Variants in COMMD3 observed in about 807,000 individuals in gnomAD.
COMMD3 encodes COMM domain containing 3.
Under a neutral mutation model 31.2 loss-of-function variants are expected in COMMD3, and 31 were observed. That is an observed-to-expected ratio of 0.99 (90% confidence interval 0.75 to 1.34). COMMD3 has a LOEUF of 1.34. COMMD3 is among the 40% of genes most tolerant of loss of function. COMMD3 has a pLI of 0.00. For synonymous variants in COMMD3, 108 were observed against 87.3 expected, an observed-to-expected ratio of 1.24 and a Z score of -1.32; for missense variants, 274 against 236.9, an observed-to-expected ratio of 1.16 and a Z score of -1.03.
At position 22,316,713 on chromosome 10, in the gene COMMD3, C is replaced by T. The variant is rs1186350474; in HGVS notation, c.139+157C>T. 1.4e-5 allele frequency: 18 copies of T among 1,285,162 alleles called. No individual in the cohort carries two copies. In the African/African-American group the frequency reaches 1.5e-4, roughly 11 times the overall value. The allele number at this position is 1,285,162 out of a possible 1,614,324, so 79.6% of individuals were successfully genotyped here. On this transcript the variant is annotated intron_variant, in intron 1 of 7. Transcript: ENST00000376836. ...CGGAGTGTTGGGGACGTGGCTCTGC[C>T]AGGACTCGGAGCAGACTCTGAGCAT...
chr10:22,317,309 T>C (rs1395989448), intron 1 of COMMD3, among the ~76,000 whole-genome samples: 3 of 152,092 alleles, frequency 2.0e-5, no homozygotes. Flanking sequence ...TAAACACTTG[T>C]ACAAAAAGTA....
rs143910449 is a variant in COMMD3, at chr10:22,319,795, A to G, written c.529-144A>G. On this transcript the variant is annotated intron_variant, in intron 7 of 7. Coordinates refer to ENST00000376836, the MANE Select transcript of COMMD3 (RefSeq NM_012071.4). ...GGAAACGCTTTTTTTGCCCGATAGTAGTTTGTCAAAAGTTAAAATCTTGTT... is the reference window on the plus strand; with the variant it reads ...GGAAACGCTTTTTTTGCCCGATAGTGGTTTGTCAAAAGTTAAAATCTTGTT... 1.3e-3 allele frequency: 1,274 copies of G among 963,354 alleles called. 14 individuals are homozygous for G. The African/African-American group carries it at 0.017, about 13-fold the overall frequency. 59.7% of individuals were successfully genotyped at this position (963,354 alleles called of 1,614,324 possible).
chr10:22,319,093 C>CA, intron 7 of COMMD3, 75 bp downstream of exon 7: 1 of 1,451,176 alleles, frequency 6.9e-7, no homozygotes, highest in South Asian at 1.5e-5. Context: ...TTGGGAAGTT[C>CA]AAAAGAAAAT....
chr10:22,318,425 T>C (rs1164826395), intron 4 of COMMD3, 119 bp downstream of exon 4: 1 of 1,388,454 alleles, frequency 7.2e-7, no homozygotes, highest in Non-Finnish European at 9.8e-7. Context: ...CCAAAGGGCA[T>C]GTCAAGCAAT....
Position 22,318,703 on chromosome 10 carries a change from A to G in COMMD3, c.401A>G (p.Tyr134Cys). The G allele has an allele frequency of 3.1e-6, 5 of 1,613,504 alleles. No individual in the cohort carries two copies. Residue 134 changes from tyrosine to cysteine, a missense_variant, in exon 5 of 8, where the codon TAT becomes TGT. Transcript: ENST00000376836. ...HITDVSWRLE[Y>C]QIKTNQLHRM... ...ACGGATGTTTCTTGGCGCTTGGAAT[A>G]TCAGATAAAGGTAAAGTTTAAGAAA...
At chr10:22,319,835 T>A in intron 7 of COMMD3, 104 bp from the exon 8 acceptor site, 1 of 1,397,490 alleles carries the variant, frequency 7.2e-7, no homozygotes, top group Non-Finnish European at 9.8e-7. Flanking sequence ...TTTAAACTTG[T>A]TTGGAAGGTG....
intron 1 of COMMD3, among the ~76,000 whole-genome samples, 189 bp from the exon 2 acceptor site, chr10:22,317,695 G>T (rs1047536636): frequency 6.6e-6 from 1 of 152,140 alleles, no homozygotes; most frequent in African/African-American, 2.4e-5. Context: ...TAGAGTTCTT[G>T]TTGTGTTCTT....
At chr10:22,317,542 T>C (rs1393260981) in intron 1 of COMMD3, 2 of 179,578 alleles carry the variant, frequency 1.1e-5, no homozygotes, top group African/African-American at 2.4e-5. Flanking sequence ...ATTGACACAA[T>C]GTAAAATATT....
intron 4 of COMMD3, 130 bp downstream of exon 4, chr10:22,318,436 T>A: frequency 7.6e-7 from 1 of 1,322,910 alleles, no homozygotes; most frequent in East Asian, 2.3e-5. Flanking sequence ...GTCAAGCAAT[T>A]GAAGTTAAGC....
chr10:22,318,719 G>A lies in COMMD3; in HGVS notation c.411+6G>A. On this transcript the variant is annotated splice_donor_region_variant and intron_variant, in intron 5 of 7. Transcript: ENST00000376836. Reference sequence around the variant, plus strand: ...GCTTGGAATATCAGATAAAGGTAAAGTTTAAGAAACTTCTCTAGCGGGGGA... The same window carrying A: ...GCTTGGAATATCAGATAAAGGTAAAATTTAAGAAACTTCTCTAGCGGGGGA... 1 of 1,613,296 alleles carries A rather than the reference G, an allele frequency of 6.2e-7. No homozygotes were observed. The highest frequency in any genetic ancestry group is 8.5e-7 in the Non-Finnish European group (1 of 1,179,398).
At position 22,316,495 on chromosome 10, in the gene COMMD3, G is replaced by T. The variant is rs1409533992; in HGVS notation, c.78G>T (p.Thr26=). ...GCTCCTTCGACTCCAACGCCTTCAC[G>T]CTTCTCCTCCGGGCGGCATTCCAGA... ...DPRSFDSNAF[T]LLLRAAFQSL... Residue 26 remains threonine (T), a synonymous_variant, in exon 1 of 8, where the codon ACG becomes ACT. Transcript: ENST00000376836. 5 of 1,550,484 alleles carry T rather than the reference G, an allele frequency of 3.2e-6. No homozygotes were observed. The South Asian group carries it at 5.9e-5, about 18-fold the overall frequency.
rs767967200 is a variant in COMMD3, at chr10:22,320,014, G to C, written c.*16G>C. 6 of 1,613,974 alleles carry C rather than the reference G, an allele frequency of 3.7e-6. No homozygotes were observed. The African/African-American group carries it at 8.0e-5, about 22-fold the overall frequency. Reference sequence around the variant, plus strand: ...TCAGTTGTAACTTGGGGAAGTTAACGATCCGCCCGAGTGCAGAGGAAAACC... The same window carrying C: ...TCAGTTGTAACTTGGGGAAGTTAACCATCCGCCCGAGTGCAGAGGAAAACC... On this transcript the variant is annotated 3_prime_UTR_variant, in exon 8 of 8. Coordinates refer to ENST00000376836, the MANE Select transcript of COMMD3 (RefSeq NM_012071.4).
At chr10:22,318,564 G>C in intron 4 of COMMD3, 89 bp from the exon 5 acceptor site, 5 of 1,251,008 alleles carry the variant, frequency 4.0e-6, no homozygotes, top group African/African-American at 1.5e-5. Context: ...GGAGTTGGGG[G>C]TGGAAAGTAG....
rs1432530671 is a variant in COMMD3 at position 22,320,077 on chromosome 10, G to C, written c.*79G>C. Reference sequence around the variant, plus strand: ...CCTTCAGCTGAACCACCGTTTGTGCGAGCTGGATGTCCTTTTCAGTAGAAA... The same window carrying C: ...CCTTCAGCTGAACCACCGTTTGTGCCAGCTGGATGTCCTTTTCAGTAGAAA... On this transcript the variant is annotated 3_prime_UTR_variant, in exon 8 of 8. Transcript: ENST00000376836. 6.2e-7 allele frequency: 1 copy of C among 1,612,960 alleles called. No homozygotes were observed. The highest frequency in any genetic ancestry group is 8.5e-7 in the Non-Finnish European group (1 of 1,179,410).
At chr10:22,318,737 G>T in intron 5 of COMMD3, 24 bp downstream of exon 5, 5 of 1,612,862 alleles carry the variant, frequency 3.1e-6, no homozygotes, top group Non-Finnish European at 3.4e-6. Context: ...AACTTCTCTA[G>T]CGGGGGATTT....
intron 4 of COMMD3, 56 bp from the exon 5 acceptor site, chr10:22,318,597 T>C: frequency 6.8e-7 from 1 of 1,463,578 alleles, no homozygotes; most frequent in South Asian, 1.1e-5. Context: ...TAAATATAAA[T>C]AACTGAAAAG....
At chr10:22,319,353 T>C (rs1311010225) in intron 7 of COMMD3, 12 of 213,730 alleles carry the variant, frequency 5.6e-5, no homozygotes, top group Non-Finnish European at 9.2e-6. Flanking sequence ...AAAATGTCTT[T>C]GCTTTCAGAA....
In COMMD3 at chr10:22,318,003, A is replaced by T. The variant is rs755337996; in HGVS notation, c.251+8A>T. ...TGACAAGTCAACTCTAAGGTACAGG[A>T]TTTATTTAAATATCCATTTATTTTC... On this transcript the variant is annotated splice_region_variant and intron_variant, in intron 2 of 7. Transcript: ENST00000376836. 1.1e-5 allele frequency: 18 copies of T among 1,612,738 alleles called. No individual in the cohort carries two copies. The South Asian group carries it at 1.5e-4, about 14-fold the overall frequency.
rs754165911 is a variant in COMMD3, at chr10:22,317,907, G to A, written c.163G>A (p.Asp55Asn). 6.2e-6 allele frequency: 10 copies of A among 1,613,686 alleles called. No individual in the cohort carries two copies. The South Asian group carries it at 9.9e-5, about 16-fold the overall frequency. Residue 55 changes from aspartate (D) to asparagine (N), a missense_variant, in exon 2 of 8, where the codon GAC becomes AAC. Transcript: ENST00000376836. The stretch of plus-strand genomic sequence containing the variant: ...AGATCATCCAGACTTGAAACATATC[G>A]ACCCAGTGGTTTTAAAACATTGTCA... ...VLDHPDLKHI[D>N]PVVLKHCHAA...
Sources: gnomAD v4.1 joint callset for allele counts (sites outside exome capture counted in the v4.1 genomes callset) on GRCh38, gnomAD v4.1.1 for gene constraint, MANE v1.5 for transcripts, NCBI Gene and HGNC (gene_info 2026-07-23, HGNC 2026-07-21) for gene names.